The following MAD1L1 variants were observed in gnomAD, a reference collection of about 807,000 sequenced individuals.
MAD1L1 encodes the protein mitotic spindle assembly checkpoint protein MAD1.
MAD1L1 carries 95 observed loss-of-function variants against 96.9 expected under a neutral mutation model. The observed-to-expected ratio is 0.98, with a 90% confidence interval of 0.83 to 1.16. The LOEUF is 1.16. Among genes scored for constraint, MAD1L1 ranks in the 50% most tolerant of loss-of-function variants. The pLI is 0.00. For missense variants in MAD1L1, 1,007 were observed against 954.4 expected (o/e 1.06, Z -0.73); for synonymous variants, 473 against 396.6 (o/e 1.19, Z -2.29).
chr7:2,043,945 G>A lies in MAD1L1; in HGVS notation c.1218+25249C>T, dbSNP rs1210693602. Among the ~76,000 whole-genome samples, 5 of 152,176 alleles carry A rather than the reference G, an allele frequency of 3.3e-5. No homozygotes were observed. The South Asian group carries it at 6.2e-4, about 19-fold the overall frequency. The stretch of plus-strand genomic sequence containing the variant: ...GGGTGTGGGTGGCGGCCGCGGGCTC[G>A]GACGTGACTCAAGCACAGATGGGTG... On this transcript the variant is annotated intron_variant, in intron 12 of 18. Transcript: ENST00000265854.
intron 18 of MAD1L1, among the ~76,000 whole-genome samples, chr7:1,884,676 G>A (rs1350509909): frequency 6.6e-6 from 1 of 152,232 alleles, no homozygotes; most frequent in Non-Finnish European, 1.5e-5. Context: ...CAGGGGAGTT[G>A]TCTGAGTGGG....
At chr7:1,827,845 C>T (rs2128624854) in intron 18 of MAD1L1, among the ~76,000 whole-genome samples, 1 of 151,386 alleles carries the variant, frequency 6.6e-6, no homozygotes, top group East Asian at 1.9e-4. Context: ...CAGCACCACC[C>T]TTTCCAGATG....
chr7:2,065,431 T>C (rs552452588), intron 12 of MAD1L1, among the ~76,000 whole-genome samples: 1 of 152,282 alleles, frequency 6.6e-6, no homozygotes, highest in East Asian at 1.9e-4. Context: ...TCAGGAATGT[T>C]TGTGGACGGT....
At position 2,216,335 on chromosome 7, in the gene MAD1L1, A is replaced by G. The variant is rs866202223; in HGVS notation, c.679-48T>C. 23 of 1,587,562 alleles carry G rather than the reference A, an allele frequency of 1.4e-5. 1 individual carries two copies. In the Middle Eastern group the frequency reaches 2.7e-3, roughly 185 times the overall value. ...AAGAAGGGAAAAATGAGCCACGAAG[A>G]GACCTGGAGAAAATCACACGCACAC... On this transcript the variant is annotated intron_variant, in intron 7 of 18. Coordinates refer to ENST00000265854, the MANE Select transcript of MAD1L1 (RefSeq NM_001013836.2).
chr7:2,230,346 T>C (rs369259785), intron 2 of MAD1L1: 17 of 500,090 alleles, frequency 3.4e-5, no homozygotes, highest in Non-Finnish European at 5.1e-5. Flanking sequence ...CAAGGAAGCA[T>C]GCCACCAAAT....
intron 12 of MAD1L1, among the ~76,000 whole-genome samples, chr7:2,054,494 G>A (rs1037986967): frequency 2.0e-5 from 3 of 152,192 alleles, no homozygotes; most frequent in Non-Finnish European, 4.4e-5. Context: ...GAGGGAGAGT[G>A]CAGCAGTGTC....
In MAD1L1 at chr7:1,938,579, G is replaced by C. The variant is rs540760109; in HGVS notation, c.1597-1682C>G. 3.0e-4 allele frequency among the ~76,000 whole-genome samples: 45 copies of C among 152,286 alleles called. No individual in the cohort carries two copies. The South Asian group carries it at 3.5e-3, about 12-fold the overall frequency. On this transcript the variant is annotated intron_variant, in intron 16 of 18. Coordinates refer to ENST00000265854, the MANE Select transcript of MAD1L1 (RefSeq NM_001013836.2). Reference sequence around the variant, plus strand: ...GTCAGAAATAACCAAGGGCATGTCAGAAATAACCAAGGGCATGTCAGAAAT... The same window carrying C: ...GTCAGAAATAACCAAGGGCATGTCACAAATAACCAAGGGCATGTCAGAAAT...
chr7:2,075,105 G>A (rs951641889), intron 11 of MAD1L1, among the ~76,000 whole-genome samples: 10 of 152,152 alleles, frequency 6.6e-5, no homozygotes, highest in African/African-American at 2.2e-4. Context: ...AGGTGCCGGC[G>A]TCTCGAGAGG....
chr7:1,933,584 G>A (rs962635436), intron 17 of MAD1L1, among the ~76,000 whole-genome samples: 4 of 152,286 alleles, frequency 2.6e-5, no homozygotes, highest in Admixed American at 6.5e-5. Flanking sequence ...ACAGACTGCC[G>A]GCCGCCCCCA....
At chr7:2,190,694 TG>T (rs1791677412) in intron 10 of MAD1L1, among the ~76,000 whole-genome samples, 1 of 152,120 alleles carries the variant, frequency 6.6e-6, no homozygotes, top group Non-Finnish European at 1.5e-5. Context: ...GTTAAGTACA[TG>T]AGTAGATGTT....
chr7:2,021,291 C>T (rs756897789), intron 12 of MAD1L1, among the ~76,000 whole-genome samples: 1 of 152,174 alleles, frequency 6.6e-6, no homozygotes, highest in Non-Finnish European at 1.5e-5. Flanking sequence ...GAAAATAAGA[C>T]AGCCTGAGAA....
chr7:1,878,509 T>C (rs1785500841), intron 18 of MAD1L1, among the ~76,000 whole-genome samples: 1 of 151,476 alleles, frequency 6.6e-6, no homozygotes, highest in South Asian at 2.1e-4. Flanking sequence ...TTAAAAAAAA[T>C]CAACCAGTAT....
intron 18 of MAD1L1, among the ~76,000 whole-genome samples, chr7:1,851,708 A>C (rs1249486286): frequency 6.6e-6 from 1 of 152,154 alleles, no homozygotes; most frequent in African/African-American, 2.4e-5. Context: ...CACAGCCTTC[A>C]GTGCCGGCGA....
intron 9 of MAD1L1, among the ~76,000 whole-genome samples, 169 bp downstream of exon 9, chr7:2,215,716 T>C (rs371451451): frequency 1.3e-5 from 2 of 152,164 alleles, no homozygotes; most frequent in Admixed American, 6.5e-5. Context: ...GTTCACAGGC[T>C]CTGAGGATGA....
chr7:1,987,605 G>A (rs1431853090), intron 14 of MAD1L1, among the ~76,000 whole-genome samples: 2 of 152,202 alleles, frequency 1.3e-5, no homozygotes, highest in African/African-American at 2.4e-5. Context: ...GAGCAAATGC[G>A]AGGATGGTCC....
At chr7:2,141,774 C>T (rs1443635014) in intron 11 of MAD1L1, among the ~76,000 whole-genome samples, 1 of 152,252 alleles carries the variant, frequency 6.6e-6, no homozygotes, top group Non-Finnish European at 1.5e-5. Flanking sequence ...ACGTCCAAGT[C>T]TGGGCACTGC....
intron 11 of MAD1L1, among the ~76,000 whole-genome samples, chr7:2,095,294 T>A (rs1786428612): frequency 6.6e-6 from 1 of 152,152 alleles, no homozygotes; most frequent in Non-Finnish European, 1.5e-5. Context: ...TCCACCCGCC[T>A]CGGCCTCCCA....
intron 15 of MAD1L1, among the ~76,000 whole-genome samples, chr7:1,966,715 T>C (rs2128477708): frequency 6.6e-6 from 1 of 152,158 alleles, no homozygotes. Flanking sequence ...AAAAAAACTG[T>C]GTGACCTCAA....
At chr7:2,134,641 A>T (rs1404677046) in intron 11 of MAD1L1, among the ~76,000 whole-genome samples, 1 of 152,236 alleles carries the variant, frequency 6.6e-6, no homozygotes, top group African/African-American at 2.4e-5. Context: ...GACAACAAAA[A>T]GAAAAATCTG....
Sources: gnomAD v4.1 joint callset for allele counts (sites outside exome capture counted in the v4.1 genomes callset) on GRCh38, gnomAD v4.1.1 for gene constraint, MANE v1.5 for transcripts, NCBI Gene and HGNC (gene_info 2026-07-23, HGNC 2026-07-21) for gene names.